PACRG: variants seen among roughly 807,000 people sequenced by gnomAD.
PACRG encodes parkin coregulated, also known as parkin coregulated gene protein.
In PACRG, 29 loss-of-function variants were observed where a neutral mutation model predicts 29.7. The observed-to-expected ratio is 0.98, with a 90% CI of 0.73 to 1.33. The LOEUF (loss-of-function observed/expected upper bound fraction) is 1.33, where lower values mean the gene tolerates loss of function less well. Among genes scored for constraint, PACRG ranks in the 40% most tolerant of loss-of-function variants. The pLI is 0.00. For missense variants in PACRG, 279 were observed against 316.2 expected (o/e 0.88, Z 0.89); for synonymous variants, 116 against 118.7 (o/e 0.98, Z 0.15).
intron 2 of PACRG, among the ~76,000 whole-genome samples, chr6:162,816,998 A>G (rs1157129448): frequency 6.6e-6 from 1 of 151,928 alleles, no homozygotes; most frequent in East Asian, 1.9e-4. Context: ...CCCTCTCTCA[A>G]CTCTCCTCAG....
chr6:163,052,795 A>G (rs1274365408), intron 2 of PACRG, among the ~76,000 whole-genome samples: 4 of 152,138 alleles, frequency 2.6e-5, no homozygotes, highest in Non-Finnish European at 2.9e-5. Context: ...CACATTTGTT[A>G]TGGGGATAAA....
chr6:162,729,278 A>C (rs34044012), intron 1 of PACRG, among the ~76,000 whole-genome samples: 12,809 of 152,192 alleles, frequency 0.084, 701 homozygotes, highest in South Asian at 0.22. Context: ...TGTAATTTAC[A>C]CCCTGGGAAG....
intron 1 of PACRG, among the ~76,000 whole-genome samples, chr6:162,741,882 T>A (rs1289498701): frequency 2.6e-5 from 4 of 152,234 alleles, no homozygotes; most frequent in Non-Finnish European, 4.4e-5. Context: ...TTTTAATGAT[T>A]TTTTTACATA....
At chr6:163,293,178 T>G (rs1036523142) in intron 4 of PACRG, among the ~76,000 whole-genome samples, 1 of 152,230 alleles carries the variant, frequency 6.6e-6, no homozygotes, top group Non-Finnish European at 1.5e-5. Flanking sequence ...TAACGACACC[T>G]AGGTCATCAA....
intron 2 of PACRG, among the ~76,000 whole-genome samples, chr6:163,043,892 G>T (rs544983292): frequency 2.0e-4 from 31 of 152,262 alleles, no homozygotes; most frequent in Non-Finnish European, 4.3e-4. Context: ...TGTGCCCAAA[G>T]ATTTCAGATA....
intron 4 of PACRG, among the ~76,000 whole-genome samples, chr6:163,279,686 TGTGA>T (rs762833877): frequency 6.6e-5 from 10 of 152,326 alleles, no homozygotes; most frequent in Admixed American, 5.2e-4. Flanking sequence ...CAGTTGTGTC[TGTGA>T]GTATGTGTGA....
chr6:162,986,073 C>T (rs1478657099), intron 2 of PACRG, among the ~76,000 whole-genome samples: 2 of 152,046 alleles, frequency 1.3e-5, no homozygotes, highest in Non-Finnish European at 2.9e-5. Context: ...TTGACACAAG[C>T]AAATGGAAAC....
At chr6:162,802,608 T>C (rs1785968908) in intron 1 of PACRG, among the ~76,000 whole-genome samples, 1 of 152,196 alleles carries the variant, frequency 6.6e-6, no homozygotes, top group East Asian at 1.9e-4. Flanking sequence ...ATCTCAGATC[T>C]TGACATCCCA....
chr6:163,246,319 C>T (rs753493460), intron 4 of PACRG, among the ~76,000 whole-genome samples: 27 of 152,222 alleles, frequency 1.8e-4, no homozygotes, highest in Non-Finnish European at 2.9e-4. Flanking sequence ...GCCTCAGGGC[C>T]TTTGCACCAG....
chr6:162,835,140 T>C (rs1379663552), intron 2 of PACRG, among the ~76,000 whole-genome samples: 1 of 152,126 alleles, frequency 6.6e-6, no homozygotes. Context: ...ATATTATTTT[T>C]TCATTATCTT....
intron 2 of PACRG, among the ~76,000 whole-genome samples, chr6:162,876,410 T>C (rs927226427): frequency 6.6e-6 from 1 of 152,226 alleles, no homozygotes; most frequent in African/African-American, 2.4e-5. Flanking sequence ...ATTGTTTACA[T>C]GATATCACTT....
At chr6:162,744,510 G>T (rs370092271) in intron 1 of PACRG, among the ~76,000 whole-genome samples, 1 of 151,432 alleles carries the variant, frequency 6.6e-6, no homozygotes, top group African/African-American at 2.4e-5. Context: ...TTGGAGGATT[G>T]CTTGAGCACA....
intron 4 of PACRG, among the ~76,000 whole-genome samples, chr6:163,142,456 A>T (rs1041481868): frequency 3.3e-5 from 5 of 152,174 alleles, no homozygotes; most frequent in South Asian, 2.1e-4. Flanking sequence ...AATAAACATT[A>T]AAAAAATGAA....
intron 3 of PACRG, among the ~76,000 whole-genome samples, chr6:163,081,681 A>G (rs564159413): frequency 1.3e-5 from 2 of 152,268 alleles, no homozygotes; most frequent in Admixed American, 6.5e-5. Context: ...ACTTAAGCCC[A>G]GGTGGATTAA....
intron 4 of PACRG, among the ~76,000 whole-genome samples, chr6:163,156,157 C>T (rs1345533404): frequency 6.6e-6 from 1 of 152,226 alleles, no homozygotes; most frequent in Non-Finnish European, 1.5e-5. Flanking sequence ...GCAGCCTCTT[C>T]TCCATCAGGG....
At chr6:162,920,438 C>A (rs1796988177) in intron 2 of PACRG, among the ~76,000 whole-genome samples, 2 of 152,280 alleles carry the variant, frequency 1.3e-5, no homozygotes, top group South Asian at 4.1e-4. Flanking sequence ...AGACACAGCA[C>A]CTCCCCTCTT....
intron 3 of PACRG, among the ~76,000 whole-genome samples, chr6:163,063,881 GC>G (rs1219774477): frequency 2.0e-5 from 3 of 152,144 alleles, no homozygotes; most frequent in African/African-American, 7.2e-5. Context: ...AGCGTCCCGA[GC>G]CACGTTAAAA....
chr6:162,745,063 C>T (rs1780882473), intron 1 of PACRG, among the ~76,000 whole-genome samples: 1 of 151,918 alleles, frequency 6.6e-6, no homozygotes, highest in African/African-American at 2.4e-5. Context: ...TTTATACATT[C>T]AATGGATAAC....
intron 2 of PACRG, among the ~76,000 whole-genome samples, chr6:162,950,221 G>A (rs1799541658): frequency 6.6e-6 from 1 of 152,106 alleles, no homozygotes; most frequent in Non-Finnish European, 1.5e-5. Context: ...GAACAGGCTG[G>A]GCACGGTGGC....
Sources: allele counts gnomAD v4.1 joint callset (sites outside exome capture counted in the v4.1 genomes callset), GRCh38; gene constraint gnomAD v4.1.1; transcripts MANE v1.5; gene names NCBI Gene and HGNC (gene_info 2026-07-23, HGNC 2026-07-21).